Variants in CACNA1C observed in about 807,000 individuals in gnomAD.
The protein encoded by CACNA1C is voltage-dependent L-type calcium channel subunit alpha-1C.
CACNA1C carries 30 observed loss-of-function variants against 229.0 expected under a neutral mutation model. The observed-to-expected ratio is 0.13, with a 90% CI of 0.10 to 0.18. The LOEUF (loss-of-function observed/expected upper bound fraction) is 0.18, where lower values mean the gene tolerates loss of function less well. Ranked by LOEUF, CACNA1C falls within the 10% of genes least tolerant of loss-of-function variation. The pLI is 1.00. For missense variants in CACNA1C, 1,658 were observed against 2,845.0 expected (o/e 0.58, Z 9.49); for synonymous variants, 1,114 against 1,132.5 (o/e 0.98, Z 0.33).
intron 3 of CACNA1C, among the ~76,000 whole-genome samples, chr12:2,283,632 G>A (rs1031902235): frequency 6.6e-6 from 1 of 152,224 alleles, no homozygotes; most frequent in Admixed American, 6.5e-5. Context: ...ACACTGAAAT[G>A]TTTATTGGCA....
intron 1 of CACNA1C, among the ~76,000 whole-genome samples, chr12:2,042,229 A>G (rs888488091): frequency 6.6e-6 from 1 of 152,108 alleles, no homozygotes; most frequent in African/African-American, 2.4e-5. Context: ...ATTTTACCCT[A>G]ATACGATATA....
At chr12:2,254,641 C>T (rs2076718171) in intron 3 of CACNA1C, among the ~76,000 whole-genome samples, 1 of 152,160 alleles carries the variant, frequency 6.6e-6, no homozygotes, top group African/African-American at 2.4e-5. Context: ...TTGCTGTTAA[C>T]ACCTGCCCGT....
chr12:2,475,687 T>G (rs1439571713), intron 5 of CACNA1C, among the ~76,000 whole-genome samples: 1 of 152,072 alleles, frequency 6.6e-6, no homozygotes, highest in Non-Finnish European at 1.5e-5. Flanking sequence ...ACACAGAAAC[T>G]GAAAAGAATT....
intron 3 of CACNA1C, among the ~76,000 whole-genome samples, chr12:2,306,669 G>T (rs111375469): frequency 2.0e-5 from 3 of 152,092 alleles, no homozygotes; most frequent in Admixed American, 2.0e-4. Flanking sequence ...TTCAAAGAAC[G>T]CTGGATAAAA....
chr12:2,622,199 G>A (rs1602429241), intron 29 of CACNA1C, among the ~76,000 whole-genome samples: 1 of 152,140 alleles, frequency 6.6e-6, no homozygotes, highest in Admixed American at 6.5e-5. Flanking sequence ...TAGAAACTGA[G>A]GACAGGCAGA....
At chr12:2,163,765 T>C (rs1245436525) in intron 3 of CACNA1C, among the ~76,000 whole-genome samples, 4 of 152,164 alleles carry the variant, frequency 2.6e-5, no homozygotes, top group Non-Finnish European at 4.4e-5. Context: ...CCTTGGCCTC[T>C]GAGGCATTCC....
chr12:2,652,551 G>A (rs1210127421), intron 32 of CACNA1C, among the ~76,000 whole-genome samples: 1 of 152,244 alleles, frequency 6.6e-6, no homozygotes, highest in African/African-American at 2.4e-5. Context: ...TTTCCAAGAC[G>A]AGAATCTGTC....
intron 3 of CACNA1C, among the ~76,000 whole-genome samples, chr12:2,271,727 C>G (rs924711545): frequency 5.3e-5 from 8 of 151,556 alleles, no homozygotes; most frequent in African/African-American, 1.7e-4. Flanking sequence ...TAGTGAACCC[C>G]ATCTCTACAA....
intron 3 of CACNA1C, among the ~76,000 whole-genome samples, chr12:2,293,824 A>T (rs56177308): frequency 0.019 from 2,970 of 152,352 alleles, 48 homozygotes; most frequent in Middle Eastern, 0.058. Flanking sequence ...ATAGTGCCTG[A>T]ATATAGTAGA....
At chr12:2,673,421 G>A (rs537154988) in intron 38 of CACNA1C, among the ~76,000 whole-genome samples, 10 of 147,562 alleles carry the variant, frequency 6.8e-5, no homozygotes, top group South Asian at 4.3e-4. Flanking sequence ...AGCCAAGATC[G>A]CGCCATTGCA....
In CACNA1C at chr12:2,696,327, G is replaced by A. The variant is rs1311053431; in HGVS notation, c.*5128G>A. 1.3e-5 allele frequency: 2 copies of A among 152,124 alleles called. No homozygotes were observed. Among genetic ancestry groups the A allele is most frequent in the African/African-American group, 4.8e-5 (2 of 41,406 alleles). 9.4% of individuals were successfully genotyped at this position (152,124 alleles called of 1,614,324 possible). A position where few individuals can be genotyped will look rare whatever the true frequency, so the allele number is the denominator to read the frequency against. ...TTCCCCACGTCTCTACTAAGAATGAGGAAGAAAAGACTAAGACTAGGTAAT... is the reference window on the plus strand; with the variant it reads ...TTCCCCACGTCTCTACTAAGAATGAAGAAGAAAAGACTAAGACTAGGTAAT... On this transcript the variant is annotated 3_prime_UTR_variant, in exon 47 of 47. Transcript: ENST00000399655.
intron 3 of CACNA1C, among the ~76,000 whole-genome samples, chr12:2,419,413 C>A (rs79089724): frequency 6.6e-6 from 1 of 152,082 alleles, no homozygotes; most frequent in African/African-American, 2.4e-5. Flanking sequence ...AGGGATCCAC[C>A]GCCACGGCCT....
chr12:2,129,357 C>T (rs1312314425), intron 3 of CACNA1C, among the ~76,000 whole-genome samples: 2 of 152,176 alleles, frequency 1.3e-5, no homozygotes, highest in Non-Finnish European at 2.9e-5. Flanking sequence ...TCAGGGTTTA[C>T]TCACTAAATA....
intron 31 of CACNA1C, among the ~76,000 whole-genome samples, 163 bp downstream of exon 31, chr12:2,648,670 G>T (rs1331939080): frequency 6.6e-6 from 1 of 152,102 alleles, no homozygotes; most frequent in African/African-American, 2.4e-5. Flanking sequence ...CCCTTCTCGT[G>T]TGAGCTGTGA....
Position 2,575,311 on chromosome 12 carries a change from C to T in CACNA1C, c.1896-6279C>T, listed in dbSNP as rs910785632. On this transcript the variant is annotated intron_variant, in intron 13 of 46. Transcript: ENST00000399655. This position sits in a 1 kb window ranked among gnomAD's most constrained non-coding sequence, Gnocchi z 4.0. ...GTTGAGGCCTTGGGGCCCAGGTTGT[C>T]CCAGACCAAAATACTCTAGAATTCT... 6.6e-5 allele frequency among the ~76,000 whole-genome samples: 10 copies of T among 152,138 alleles called. No individual in the cohort carries two copies. The highest frequency in any genetic ancestry group is 2.4e-4 in the African/African-American group (10 of 41,424).
At position 2,135,841 on chromosome 12, in the gene CACNA1C, C is replaced by T. The variant is rs551967441; in HGVS notation, c.477+15411C>T. Among the ~76,000 whole-genome samples, 9 of 146,198 alleles carry T rather than the reference C, an allele frequency of 6.2e-5. 1 individual carries two copies. Among genetic ancestry groups the T allele is most frequent in the Admixed American group, 1.3e-4 (2 of 14,872 alleles). On this transcript the variant is annotated intron_variant, in intron 3 of 46. Transcript: ENST00000399655. ...GAGCTGTGGTAGGCTCCACCCAGTT[C>T]GAGCTTCCCGGCTGCTTTGTTTACC...
In CACNA1C at chr12:2,582,958, G is replaced by T; in HGVS notation, c.2224+16G>T. On this transcript the variant is annotated intron_variant, in intron 15 of 46. Transcript: ENST00000399655. Reference sequence around the variant, plus strand: ...TGTGGAAACTGTATCCTTTGCTGCTGCCCCCCACCCCTGCGGCCCCCAGCC... The same window carrying T: ...TGTGGAAACTGTATCCTTTGCTGCTTCCCCCCACCCCTGCGGCCCCCAGCC... 1 of 1,542,994 alleles carries T rather than the reference G, an allele frequency of 6.5e-7. No homozygotes were observed. The highest frequency in any genetic ancestry group is 8.8e-7 in the Non-Finnish European group (1 of 1,140,282).
At chr12:2,124,797 T>C (rs2089272427) in intron 3 of CACNA1C, among the ~76,000 whole-genome samples, 2 of 152,106 alleles carry the variant, frequency 1.3e-5, no homozygotes, top group Non-Finnish European at 2.9e-5. Flanking sequence ...GGAGAAAGAC[T>C]TCAGGAGGAA....
At chr12:2,324,356 C>T (rs2096178949) in intron 3 of CACNA1C, among the ~76,000 whole-genome samples, 1 of 152,192 alleles carries the variant, frequency 6.6e-6, no homozygotes, top group Admixed American at 6.5e-5. Context: ...TTTTTGTCAT[C>T]TCATTTCTCT....
Sources: allele counts gnomAD v4.1 joint callset (sites outside exome capture counted in the v4.1 genomes callset), GRCh38; gene constraint gnomAD v4.1.1; non-coding constraint Gnocchi (gnomAD v3.1); transcripts MANE v1.5; gene names NCBI Gene and HGNC (gene_info 2026-07-23, HGNC 2026-07-21).